The following GOLM2 variants were observed in gnomAD, a reference collection of about 807,000 sequenced individuals.
The protein encoded by GOLM2 is protein GOLM2.
A neutral mutation model predicts 55.9 loss-of-function variants in GOLM2; 26 were observed. The ratio of observed to expected loss-of-function variants is 0.47; its 90% CI spans 0.34 to 0.65. GOLM2 has a LOEUF of 0.65. Among genes scored for constraint, GOLM2 ranks in the 30% least tolerant of loss-of-function variants. GOLM2 has a pLI of 0.01. For missense variants in GOLM2, 486 were observed against 531.8 expected, an observed-to-expected ratio of 0.91 and a Z score of 0.85; for synonymous variants, 165 against 194.6, an observed-to-expected ratio of 0.85 and a Z score of 1.27.
chr15:44,305,694 T>C (rs1382367426), intron 1 of GOLM2, among the ~76,000 whole-genome samples: 1 of 152,210 alleles, frequency 6.6e-6, no homozygotes, highest in Non-Finnish European at 1.5e-5. Flanking sequence ...TACATCATGG[T>C]AGGTATAGCC....
At chr15:44,335,967 A>G (rs2079053656) in intron 4 of GOLM2, among the ~76,000 whole-genome samples, 1 of 151,448 alleles carries the variant, frequency 6.6e-6, no homozygotes, top group Non-Finnish European at 1.5e-5. Flanking sequence ...AGCATGCGCC[A>G]CCATGCCCGA....
intron 3 of GOLM2, among the ~76,000 whole-genome samples, chr15:44,330,866 A>C (rs1359364318): frequency 1.3e-5 from 2 of 152,242 alleles, no homozygotes; most frequent in Non-Finnish European, 2.9e-5. Flanking sequence ...TGCTTTCTAA[A>C]ATGATTGTAC....
At chr15:44,331,169 C>T (rs1183118976) in intron 3 of GOLM2, among the ~76,000 whole-genome samples, 3 of 152,110 alleles carry the variant, frequency 2.0e-5, no homozygotes, top group Non-Finnish European at 2.9e-5. Flanking sequence ...CACGTACCAC[C>T]ATGCCTGGCT....
intron 6 of GOLM2, among the ~76,000 whole-genome samples, chr15:44,341,070 T>C (rs1216341773): frequency 2.0e-5 from 3 of 151,282 alleles, no homozygotes; most frequent in Non-Finnish European, 4.4e-5. Context: ...TATTTCCACA[T>C]ACTTTTCTCT....
At chr15:44,299,544 C>A (rs554718438) in intron 1 of GOLM2, among the ~76,000 whole-genome samples, 10 of 151,974 alleles carry the variant, frequency 6.6e-5, no homozygotes, top group Admixed American at 6.6e-4. Context: ...CCGCCCGCCT[C>A]GGCCTCCCAA....
chr15:44,336,012 G>A (rs2079054081), intron 4 of GOLM2, among the ~76,000 whole-genome samples: 1 of 151,372 alleles, frequency 6.6e-6, no homozygotes, highest in South Asian at 2.1e-4. Flanking sequence ...ACGGGGTTTC[G>A]CCATGTTGGT....
chr15:44,340,537 C>T (rs1467945711), intron 6 of GOLM2, among the ~76,000 whole-genome samples: 1 of 152,168 alleles, frequency 6.6e-6, no homozygotes, highest in Non-Finnish European at 1.5e-5. Context: ...GGATTATAGG[C>T]GGGAGCTGTG....
chr15:44,290,895 C>T (rs150201657), intron 1 of GOLM2, among the ~76,000 whole-genome samples: 2,147 of 152,030 alleles, frequency 0.014, 47 homozygotes, highest in East Asian at 0.094. Flanking sequence ...TCCGCCCCCC[C>T]GGGGTTCAAG....
intron 1 of GOLM2, among the ~76,000 whole-genome samples, chr15:44,314,887 T>A (rs1268957430): frequency 6.6e-6 from 1 of 152,216 alleles, no homozygotes; most frequent in Non-Finnish European, 1.5e-5. Context: ...ATAGGGAGGT[T>A]GTGAGAATTA....
chr15:44,397,738 C>G (rs1031592852), intron 8 of GOLM2, among the ~76,000 whole-genome samples: 2 of 151,996 alleles, frequency 1.3e-5, no homozygotes, highest in Admixed American at 6.6e-5. Flanking sequence ...CACTTTGCAC[C>G]TACATTCTAG....
At chr15:44,372,112 A>G (rs1230120630) in intron 6 of GOLM2, among the ~76,000 whole-genome samples, 2 of 152,192 alleles carry the variant, frequency 1.3e-5, no homozygotes, top group Non-Finnish European at 2.9e-5. Context: ...TCTCTAAAAG[A>G]GAAAATCTGG....
chr15:44,339,092 T>G (rs2079075242), intron 6 of GOLM2, among the ~76,000 whole-genome samples: 1 of 152,206 alleles, frequency 6.6e-6, no homozygotes, highest in African/African-American at 2.4e-5. Context: ...AGTAATTACT[T>G]CTGTGATTAT....
intron 1 of GOLM2, among the ~76,000 whole-genome samples, chr15:44,304,628 A>G (rs2078824163): frequency 6.6e-6 from 1 of 151,914 alleles, no homozygotes; most frequent in African/African-American, 2.4e-5. Context: ...ATCACAGCTC[A>G]CTGTAGCCTC....
intron 9 of GOLM2, 66 bp downstream of exon 9, chr15:44,403,120 TG>T: frequency 6.3e-7 from 1 of 1,576,934 alleles, no homozygotes; most frequent in Non-Finnish European, 8.7e-7. Context: ...TGGTTGAATT[TG>T]TGTAGAATTT....
At chr15:44,294,740 C>CA (rs1329043356) in intron 1 of GOLM2, among the ~76,000 whole-genome samples, 50 of 143,412 alleles carry the variant, frequency 3.5e-4, no homozygotes, top group East Asian at 2.1e-3. Flanking sequence ...ACCACCACCA[C>CA]AAAAAAAAAC....
intron 1 of GOLM2, among the ~76,000 whole-genome samples, chr15:44,313,517 C>T (rs1045232090): frequency 3.9e-5 from 6 of 152,306 alleles, no homozygotes; most frequent in East Asian, 1.9e-4. Context: ...TCTCTTACTA[C>T]GTCATCATAC....
intron 9 of GOLM2, among the ~76,000 whole-genome samples, chr15:44,403,565 A>T (rs991540624): frequency 4.6e-5 from 7 of 152,180 alleles, no homozygotes; most frequent in African/African-American, 1.7e-4. Context: ...TTTAATTTTT[A>T]AAAATTTTGG....
chr15:44,403,790 A>G (rs893675156), intron 9 of GOLM2, among the ~76,000 whole-genome samples: 1 of 152,194 alleles, frequency 6.6e-6, no homozygotes, highest in Admixed American at 6.5e-5. Flanking sequence ...CACAAAGGGA[A>G]TGGTTTTCTC....
At chr15:44,391,151 G>A (rs766747156) in intron 8 of GOLM2, among the ~76,000 whole-genome samples, 16 of 152,126 alleles carry the variant, frequency 1.1e-4, no homozygotes, top group Non-Finnish European at 2.1e-4. Context: ...AGTTTAGCTT[G>A]ATTACTAATT....
Sources: allele counts gnomAD v4.1 joint callset (sites outside exome capture counted in the v4.1 genomes callset), GRCh38; gene constraint gnomAD v4.1.1; transcripts MANE v1.5; gene names NCBI Gene and HGNC (gene_info 2026-07-23, HGNC 2026-07-21).